GALNT13: variants seen among roughly 807,000 people sequenced by gnomAD.
GALNT13 encodes UDP-GalNAc:polypeptide N-acetylgalactosaminyltransferase 13.
In GALNT13, 28 loss-of-function variants were observed where a neutral mutation model predicts 64.2. The ratio of observed to expected loss-of-function variants is 0.44; its 90% CI spans 0.32 to 0.60. The LOEUF (loss-of-function observed/expected upper bound fraction) is 0.60. GALNT13 is among the 20% of genes least tolerant of loss of function. The probability of loss-of-function intolerance (pLI) is 0.05; values close to 1 mark genes in which losing one functional copy is unlikely to be tolerated. For missense variants in GALNT13, 577 were observed against 669.8 expected, an observed-to-expected ratio of 0.86 and a Z score of 1.53; for synonymous variants, 214 against 224.6, an observed-to-expected ratio of 0.95 and a Z score of 0.42.
chr2:153,754,855 T>C, the GALNT13 span, among the ~76,000 whole-genome samples: 1 of 152,148 alleles, frequency 6.6e-6, no homozygotes, highest in African/African-American at 2.4e-5. Flanking sequence ...GGAAGTCAAA[T>C]TCTGCCTGCT....
chr2:154,381,451 T>C (rs1479058258), intron 9 of GALNT13, among the ~76,000 whole-genome samples: 1 of 152,072 alleles, frequency 6.6e-6, no homozygotes. Context: ...CAAATACACT[T>C]GTAATCTCAC....
chr2:154,394,935 T>C (rs374385998), intron 9 of GALNT13, among the ~76,000 whole-genome samples: 17 of 152,326 alleles, frequency 1.1e-4, no homozygotes, highest in African/African-American at 4.1e-4. Flanking sequence ...TAGTGAATGA[T>C]GAGTTTTGAG....
chr2:153,872,476 C>G (rs1281236232), intron 1 of GALNT13, among the ~76,000 whole-genome samples, 173 bp downstream of exon 1: 1 of 152,054 alleles, frequency 6.6e-6, no homozygotes, highest in Non-Finnish European at 1.5e-5. Context: ...GCGGGCGGAC[C>G]TGGCGACGCG....
At chr2:153,797,370 T>G in the GALNT13 span, among the ~76,000 whole-genome samples, 36,262 of 152,214 alleles carry the variant, frequency 0.24, 4,629 homozygotes, top group Non-Finnish European at 0.28. Context: ...TAGTCTTCTT[T>G]AAGGTGTTAC....
chr2:154,280,664 G>A (rs774484922), intron 8 of GALNT13, among the ~76,000 whole-genome samples: 45 of 152,146 alleles, frequency 3.0e-4, no homozygotes, highest in Non-Finnish European at 5.3e-4. Flanking sequence ...CTGTGAAAGA[G>A]CAAGAGATGC....
At chr2:153,747,422 GTTT>G in the GALNT13 span, among the ~76,000 whole-genome samples, 14 of 93,746 alleles carry the variant, frequency 1.5e-4, no homozygotes, top group South Asian at 4.2e-4. Context: ...AGTGCCTTTG[GTTT>G]TTTTTTTTTT....
chr2:153,125,857 A>T, the GALNT13 span, among the ~76,000 whole-genome samples: 1 of 152,152 alleles, frequency 6.6e-6, no homozygotes, highest in Non-Finnish European at 1.5e-5. Context: ...TAATTTACAT[A>T]ATCTGTTCTT....
the GALNT13 span, among the ~76,000 whole-genome samples, chr2:153,369,014 A>T: frequency 6.6e-6 from 1 of 152,124 alleles, no homozygotes; most frequent in African/African-American, 2.4e-5. Context: ...TTAATAGCAG[A>T]AAGACATCTG....
chr2:153,667,104 G>C, the GALNT13 span, among the ~76,000 whole-genome samples: 1 of 152,004 alleles, frequency 6.6e-6, no homozygotes, highest in Non-Finnish European at 1.5e-5. Context: ...GAATAAAAAA[G>C]AATGAATAAA....
intron 9 of GALNT13, among the ~76,000 whole-genome samples, chr2:154,337,353 AG>A (rs1695511555): frequency 6.6e-6 from 1 of 152,154 alleles, no homozygotes; most frequent in African/African-American, 2.4e-5. Context: ...ATGATGAGGA[AG>A]GAACAGGATT....
the GALNT13 span, among the ~76,000 whole-genome samples, chr2:153,309,313 T>G: frequency 6.6e-6 from 1 of 152,200 alleles, no homozygotes; most frequent in Non-Finnish European, 1.5e-5. Flanking sequence ...AGCATTGATG[T>G]AAGAGTTAAG....
intron 8 of GALNT13, among the ~76,000 whole-genome samples, chr2:154,266,091 A>G (rs2105913275): frequency 6.6e-6 from 1 of 152,310 alleles, no homozygotes; most frequent in African/African-American, 2.4e-5. Flanking sequence ...CCAAAAACAA[A>G]CAAACAAAAG....
At chr2:153,527,710 A>G in the GALNT13 span, among the ~76,000 whole-genome samples, 42 of 152,274 alleles carry the variant, frequency 2.8e-4, no homozygotes, top group South Asian at 8.7e-3. Flanking sequence ...AACAATAACT[A>G]CAACAAATTT....
intron 3 of GALNT13, among the ~76,000 whole-genome samples, chr2:153,964,540 T>C (rs1693193584): frequency 1.3e-5 from 2 of 152,262 alleles, no homozygotes; most frequent in East Asian, 3.9e-4. Flanking sequence ...GTTATGAATA[T>C]TGAGGTTTAT....
chr2:153,914,938 C>G (rs1689229883), intron 2 of GALNT13, among the ~76,000 whole-genome samples: 1 of 152,082 alleles, frequency 6.6e-6, no homozygotes, highest in South Asian at 2.1e-4. Context: ...ATCCTGTTCT[C>G]CAGTCTTTAT....
the GALNT13 span, among the ~76,000 whole-genome samples, chr2:153,244,818 G>A: frequency 2.0e-5 from 3 of 152,198 alleles, no homozygotes; most frequent in Non-Finnish European, 4.4e-5. Flanking sequence ...AAGCCAGGGA[G>A]TCAAGTGGTC....
At chr2:153,710,589 G>A in the GALNT13 span, among the ~76,000 whole-genome samples, 1 of 152,006 alleles carries the variant, frequency 6.6e-6, no homozygotes, top group East Asian at 1.9e-4. Flanking sequence ...ACCTTTAAAG[G>A]AGAAGGAATG....
At chr2:154,172,488 T>A (rs1360059901) in intron 4 of GALNT13, among the ~76,000 whole-genome samples, 1 of 152,038 alleles carries the variant, frequency 6.6e-6, no homozygotes, top group Non-Finnish European at 1.5e-5. Flanking sequence ...CAATCTTTTC[T>A]GTCTTCATGA....
the GALNT13 span, among the ~76,000 whole-genome samples, chr2:153,627,319 A>AT: frequency 2.8e-3 from 427 of 152,188 alleles, 8 homozygotes; most frequent in Admixed American, 0.023. Context: ...AAGTCAATTG[A>AT]TTCAAATTTT....
Sources: gnomAD v4.1 joint callset for allele counts (sites outside exome capture counted in the v4.1 genomes callset) on GRCh38, gnomAD v4.1.1 for gene constraint, MANE v1.5 for transcripts, NCBI Gene and HGNC (gene_info 2026-07-23, HGNC 2026-07-21) for gene names.